CLNK: variants seen among roughly 807,000 people sequenced by gnomAD.
CLNK encodes the protein cytokine-dependent hematopoietic cell linker.
A neutral mutation model predicts 68.6 loss-of-function variants in CLNK; 74 were observed. The ratio of observed to expected loss-of-function variants is 1.08; its 90% CI spans 0.89 to 1.31. The LOEUF (loss-of-function observed/expected upper bound fraction) is 1.31. Among genes scored for constraint, CLNK ranks in the 50% most tolerant of loss-of-function variants. The probability of loss-of-function intolerance (pLI) is 0.00; values close to 1 mark genes in which losing one functional copy is unlikely to be tolerated. For synonymous variants in CLNK, 198 were observed against 172.2 expected (o/e 1.15, Z -1.17); for missense variants, 553 against 515.3 (o/e 1.07, Z -0.71).
At chr4:10,678,307 T>A (rs1724953098) in intron 1 of CLNK, among the ~76,000 whole-genome samples, 1 of 152,128 alleles carries the variant, frequency 6.6e-6, no homozygotes, top group African/African-American at 2.4e-5. Flanking sequence ...CCAAGTAAGA[T>A]GATGAAAGTG....
chr4:10,551,429 A>AT (rs1461034187), intron 8 of CLNK, among the ~76,000 whole-genome samples: 6 of 127,298 alleles, frequency 4.7e-5, no homozygotes, highest in East Asian at 2.3e-4. Flanking sequence ...GTATATATAT[A>AT]TATTTTTTTT....
At chr4:10,647,108 C>G (rs1055367252) in intron 2 of CLNK, among the ~76,000 whole-genome samples, 11 of 152,152 alleles carry the variant, frequency 7.2e-5, no homozygotes, top group Admixed American at 2.0e-4. Context: ...GGGGCTGAGT[C>G]TTACTTCATT....
At chr4:10,490,653 CTTT>C in intron 18 of CLNK, 40 bp from the exon 19 acceptor site, 1 of 1,518,364 alleles carries the variant, frequency 6.6e-7, no homozygotes, top group Non-Finnish European at 8.9e-7. Context: ...TTTAAAATAT[CTTT>C]TGTGTCTGTA....
chr4:10,513,273 G>T (rs984130487), intron 16 of CLNK, among the ~76,000 whole-genome samples, 191 bp downstream of exon 16: 1 of 152,140 alleles, frequency 6.6e-6, no homozygotes, highest in African/African-American at 2.4e-5. Flanking sequence ...AGAGACCAAT[G>T]TAATATGTTA....
chr4:10,699,201 A>G, the CLNK span, among the ~76,000 whole-genome samples: 1 of 115,064 alleles, frequency 8.7e-6, no homozygotes, highest in Admixed American at 9.0e-5. Flanking sequence ...TGTCTCTTAA[A>G]CACACACATA....
chr4:10,615,627 G>A (rs934166806), intron 2 of CLNK, among the ~76,000 whole-genome samples: 5 of 152,228 alleles, frequency 3.3e-5, no homozygotes, highest in African/African-American at 1.2e-4. Flanking sequence ...ATAGACCCCA[G>A]GACTTTTGAG....
Position 10,489,723 on chromosome 4 carries a change from G to T in CLNK, c.*744C>A, listed in dbSNP as rs1716486632. Reference sequence around the variant, plus strand: ...TGTCCCCAGGCTGGATTGGAGTGCAGTGGCGCGATTTCGGCTCACTGCAAG... The same window carrying T: ...TGTCCCCAGGCTGGATTGGAGTGCATTGGCGCGATTTCGGCTCACTGCAAG... On this transcript the variant is annotated 3_prime_UTR_variant, in exon 19 of 19. Transcript: ENST00000226951. 4.6e-5 allele frequency: 2 copies of T among 43,024 alleles called. No individual in the cohort carries two copies. Among genetic ancestry groups the T allele is most frequent in the Non-Finnish European group, 1.2e-4 (2 of 16,178 alleles). 2.7% of individuals were successfully genotyped at this position (43,024 alleles called of 1,614,324 possible).
intron 2 of CLNK, among the ~76,000 whole-genome samples, chr4:10,645,678 A>C (rs1007738325): frequency 6.6e-6 from 1 of 152,206 alleles, no homozygotes; most frequent in Non-Finnish European, 1.5e-5. Flanking sequence ...ATTCATTAAA[A>C]CTGTATGTGT....
At chr4:10,698,872 C>T in the CLNK span, among the ~76,000 whole-genome samples, 1 of 152,156 alleles carries the variant, frequency 6.6e-6, no homozygotes, top group South Asian at 2.1e-4. Flanking sequence ...TAGGTCTCAT[C>T]TGATCGACTG....
At chr4:10,554,449 A>G (rs1476677695) in intron 8 of CLNK, among the ~76,000 whole-genome samples, 1 of 152,182 alleles carries the variant, frequency 6.6e-6, no homozygotes, top group Non-Finnish European at 1.5e-5. Flanking sequence ...GTTTCTGGCT[A>G]CTTCATATTT....
chr4:10,554,664 G>A (rs1719591816), intron 8 of CLNK, among the ~76,000 whole-genome samples: 1 of 152,182 alleles, frequency 6.6e-6, no homozygotes, highest in Admixed American at 6.5e-5. Flanking sequence ...GGTTGTGGCT[G>A]AAACACATTT....
chr4:10,686,125 C>A (rs117230726), upstream of CLNK, among the ~76,000 whole-genome samples: 30 of 152,294 alleles, frequency 2.0e-4, 1 homozygote, highest in East Asian at 5.8e-3. Flanking sequence ...AGGAGAAGAT[C>A]TGTTCCAGGC....
intron 2 of CLNK, among the ~76,000 whole-genome samples, chr4:10,605,776 T>G (rs1165458867): frequency 7.6e-6 from 1 of 130,804 alleles, no homozygotes; most frequent in Admixed American, 9.9e-5. Context: ...TGCAGTGAGC[T>G]GAGATCACAC....
chr4:10,529,134 A>G (rs1182120045), intron 12 of CLNK, among the ~76,000 whole-genome samples: 1 of 152,238 alleles, frequency 6.6e-6, no homozygotes, highest in African/African-American at 2.4e-5. Context: ...TATCATTTAG[A>G]TAAGAACTGC....
At chr4:10,581,791 T>C (rs1286557842) in intron 4 of CLNK, among the ~76,000 whole-genome samples, 3 of 152,066 alleles carry the variant, frequency 2.0e-5, no homozygotes, top group East Asian at 3.9e-4. Context: ...TGATTGCCCT[T>C]AGAAATGCAA....
intron 7 of CLNK, among the ~76,000 whole-genome samples, chr4:10,559,542 A>T (rs1414103492): frequency 1.3e-5 from 2 of 152,096 alleles, no homozygotes; most frequent in African/African-American, 2.4e-5. Context: ...TGCCCCACAG[A>T]GGGAGTCTCT....
the CLNK span, among the ~76,000 whole-genome samples, chr4:10,731,478 T>C: frequency 0.36 from 54,271 of 151,956 alleles, 11,443 homozygotes; most frequent in African/African-American, 0.6. Flanking sequence ...ATTCTCAGGC[T>C]TTTTCTATAA....
chr4:10,628,233 G>C (rs1722750722), intron 2 of CLNK, among the ~76,000 whole-genome samples: 1 of 151,966 alleles, frequency 6.6e-6, no homozygotes, highest in Non-Finnish European at 1.5e-5. Flanking sequence ...ATCTTCGAAG[G>C]CTTATCTCAA....
chr4:10,605,626 G>A (rs1452717252), intron 2 of CLNK, among the ~76,000 whole-genome samples: 2 of 151,910 alleles, frequency 1.3e-5, no homozygotes, highest in Admixed American at 6.6e-5. Context: ...TCAGGAGATC[G>A]AGACCATCCT....
Sources: allele counts gnomAD v4.1 joint callset (sites outside exome capture counted in the v4.1 genomes callset), GRCh38; gene constraint gnomAD v4.1.1; transcripts MANE v1.5; gene names NCBI Gene and HGNC (gene_info 2026-07-23, HGNC 2026-07-21).